The following MYCBP2 variants were observed in gnomAD, a reference collection of about 807,000 sequenced individuals.
MYCBP2 encodes the protein MYC binding protein 2.
A neutral mutation model predicts 525.3 loss-of-function variants in MYCBP2; 120 were observed. The ratio of observed to expected loss-of-function variants is 0.23; its 90% CI spans 0.20 to 0.27. MYCBP2 has a LOEUF of 0.27. Ranked by LOEUF, MYCBP2 falls within the 10% of genes least tolerant of loss-of-function variation. MYCBP2 has a pLI of 1.00. For synonymous variants in MYCBP2, 1,894 were observed against 1,955.8 expected (o/e 0.97, Z 0.83); for missense variants, 4,149 against 5,657.1 (o/e 0.73, Z 8.55).
At chr13:77,246,958 A>G (rs1472919085) in intron 15 of MYCBP2, among the ~76,000 whole-genome samples, 1 of 152,208 alleles carries the variant, frequency 6.6e-6, no homozygotes, top group Admixed American at 6.5e-5. Flanking sequence ...TAGGAATAGA[A>G]GGAAATGATC....
chr13:77,062,404 T>C (rs2039454870), intron 74 of MYCBP2, among the ~76,000 whole-genome samples, 192 bp downstream of exon 74: 1 of 152,184 alleles, frequency 6.6e-6, no homozygotes, highest in Non-Finnish European at 1.5e-5. Context: ...CCCTAAAGTT[T>C]CCATATACTA....
rs369790644 is a variant in MYCBP2 at position 77,098,566 on chromosome 13, T to A, written c.8588A>T (p.Asp2863Val). 2 of 1,613,672 alleles carry A rather than the reference T, an allele frequency of 1.2e-6. No individual in the cohort carries two copies. Among genetic ancestry groups the A allele is most frequent in the South Asian group, 1.1e-5 (1 of 91,062 alleles). Residue 2863 changes from aspartate (D) to valine (V), a missense_variant, in exon 56 of 83, where the codon GAT (aspartate) becomes GTT (valine). Transcript: ENST00000544440. ...KSTAPVKTKL[D>V]PPRERSKSDS... ...TGATTTAGAACGTTCCCGAGGAGGA[T>A]CAAGCTTTGTCTTAACAGGAGCAGT...
rs536209481 is a variant in MYCBP2, at chr13:77,297,489, C to T, written c.303-815G>A. Among the ~76,000 whole-genome samples, 10 of 151,988 alleles carry T rather than the reference C, an allele frequency of 6.6e-5. No individual in the cohort carries two copies. The East Asian group carries it at 1.7e-3, about 26-fold the overall frequency. On this transcript the variant is annotated intron_variant, in intron 1 of 82. Coordinates refer to ENST00000544440, the MANE Select transcript of MYCBP2 (RefSeq NM_015057.5). ...GGGGGAAGAGGGAATGCAGGGAGAA[C>T]GAAGGGGAGGAGGTTGTTCCAGATG...
intron 80 of MYCBP2, among the ~76,000 whole-genome samples, chr13:77,054,528 G>C (rs544344324): frequency 1.9e-4 from 28 of 151,090 alleles, no homozygotes; most frequent in African/African-American, 6.8e-4. Flanking sequence ...GTAATGGAAA[G>C]AAAAAAGGAC....
chr13:77,128,844 A>G (rs1255598398), intron 52 of MYCBP2, among the ~76,000 whole-genome samples: 1 of 152,028 alleles, frequency 6.6e-6, no homozygotes, highest in Non-Finnish European at 1.5e-5. Context: ...CAGAAAAAAT[A>G]AAAGAGCCAT....
chr13:77,250,841 T>C (rs1214863998), intron 15 of MYCBP2, among the ~76,000 whole-genome samples: 1 of 152,166 alleles, frequency 6.6e-6, no homozygotes, highest in Non-Finnish European at 1.5e-5. Context: ...TAGCATTAAA[T>C]AGGCTTTGAA....
At chr13:77,297,329 T>C (rs1430061721) in intron 1 of MYCBP2, among the ~76,000 whole-genome samples, 1 of 152,226 alleles carries the variant, frequency 6.6e-6, no homozygotes, top group Non-Finnish European at 1.5e-5. Context: ...CATGCTGAGA[T>C]GCAAAGTAGT....
intron 53 of MYCBP2, 106 bp downstream of exon 53, chr13:77,126,212 C>A: frequency 1.2e-6 from 1 of 842,486 alleles, no homozygotes; most frequent in Non-Finnish European, 1.8e-6. Flanking sequence ...AATACATTAA[C>A]ATTGAAAAAC....
intron 3 of MYCBP2, among the ~76,000 whole-genome samples, chr13:77,281,397 C>G (rs1308326898): frequency 6.6e-6 from 1 of 151,620 alleles, no homozygotes; most frequent in African/African-American, 2.4e-5. Context: ...GTATAATTAG[C>G]AAAATAAATA....
At chr13:77,269,393 T>TG (rs2154343652) in intron 7 of MYCBP2, among the ~76,000 whole-genome samples, 1 of 152,270 alleles carries the variant, frequency 6.6e-6, no homozygotes, top group East Asian at 1.9e-4. Flanking sequence ...CCCAGCACTC[T>TG]GGGAGGCCCA....
At position 77,227,903 on chromosome 13, in the gene MYCBP2, T is replaced by C. The variant is rs1265335714; in HGVS notation, c.2738-2349A>G. Among the ~76,000 whole-genome samples the C allele has an allele frequency of 3.3e-5, 5 of 152,112 alleles. No individual in the cohort carries two copies. In the East Asian group the frequency reaches 9.6e-4, roughly 29 times the overall value. On this transcript the variant is annotated intron_variant, in intron 18 of 82. Coordinates refer to ENST00000544440, the MANE Select transcript of MYCBP2 (RefSeq NM_015057.5). ...AGCAGCTGTTATTTAGAGGTCAAAA[T>C]AATACTAGAAACATTTTGTTCATTG...
At position 77,326,976 on chromosome 13, in the gene MYCBP2, T is replaced by C. The variant is rs2082396500; in HGVS notation, c.-201A>G. On this transcript the variant is annotated 5_prime_UTR_variant, in exon 1 of 83. Coordinates refer to ENST00000544440, the MANE Select transcript of MYCBP2 (RefSeq NM_015057.5). The surrounding 1 kb of genome is among the most constrained non-coding windows in gnomAD (Gnocchi z 4.2). Reference sequence around the variant, plus strand: ...CCCCCCGCGCCGCCCTCGCCGCTACTGGGGCCGCTCATCTAACCCCGCCAC... The same window carrying C: ...CCCCCCGCGCCGCCCTCGCCGCTACCGGGGCCGCTCATCTAACCCCGCCAC... 15 of 487,858 alleles carry C rather than the reference T, an allele frequency of 3.1e-5. No homozygotes were observed. The East Asian group carries it at 5.3e-4, about 17-fold the overall frequency. The allele number at this position is 487,858 out of a possible 1,614,324, so 30.2% of individuals were successfully genotyped here.
intron 1 of MYCBP2, among the ~76,000 whole-genome samples, chr13:77,301,127 G>C (rs1178744382): frequency 1.3e-5 from 2 of 151,980 alleles, no homozygotes; most frequent in Non-Finnish European, 2.9e-5. Context: ...AGAGAGGCTG[G>C]GTCAAGGCTG....
intron 42 of MYCBP2, among the ~76,000 whole-genome samples, chr13:77,164,951 C>T (rs1420882400): frequency 1.3e-5 from 2 of 152,210 alleles, no homozygotes; most frequent in Non-Finnish European, 2.9e-5. Flanking sequence ...ACTCCATCCT[C>T]TTCATGTATT....
Position 77,260,574 on chromosome 13 carries a change from G to T in MYCBP2, c.1871C>A (p.Ser624Tyr). The part of the protein sequence containing the change: ...DGESTKSRRQ[S>Y]KPYKPKKIIK... Reference sequence around the variant, plus strand: ...TATCTTTTTAGGTTTATAAGGTTTGGATTGCCGTCTGCTCTTAGCTTTAAA... The same window carrying T: ...TATCTTTTTAGGTTTATAAGGTTTGTATTGCCGTCTGCTCTTAGCTTTAAA... The change falls in exon 13 of 83, where the codon TCC becomes TAC. Residue 624 changes from serine to tyrosine, a missense_variant. By Grantham distance (144) the Ser-to-Tyr change is moderately radical. Coordinates refer to ENST00000544440, the MANE Select transcript of MYCBP2 (RefSeq NM_015057.5). 1 of 1,605,184 alleles carries T rather than the reference G, an allele frequency of 6.2e-7. No homozygotes were observed. Among genetic ancestry groups the T allele is most frequent in the Non-Finnish European group, 8.5e-7 (1 of 1,177,170 alleles).
Position 77,185,941 on chromosome 13 carries a change from T to C in MYCBP2, c.4374A>G (p.Arg1458=). 6.2e-7 allele frequency: 1 copy of C among 1,613,670 alleles called. No homozygotes were observed. ...QFTATLLDLE[R]LRFVGTCCLR... ...GACAACAGGTACCCACAAAGCGCAGTCTCTCTAAATCTAGGAGTGTAGCTG... is the reference window on the plus strand; with the variant it reads ...GACAACAGGTACCCACAAAGCGCAGCCTCTCTAAATCTAGGAGTGTAGCTG... Residue 1458 remains arginine, a synonymous_variant, in exon 31 of 83, where the codon AGA becomes AGG. Coordinates refer to ENST00000544440, the MANE Select transcript of MYCBP2 (RefSeq NM_015057.5).
Position 77,152,295 on chromosome 13 carries a change from A to T in MYCBP2, c.6916-1346T>A, listed in dbSNP as rs556713388. On this transcript the variant is annotated intron_variant, in intron 46 of 82. Transcript: ENST00000544440. The stretch of plus-strand genomic sequence containing the variant: ...ATATTAAAAACCCATTCTTATATTT[A>T]AAAAATGGCAGTTTACAGGTATATG... 4.6e-5 allele frequency among the ~76,000 whole-genome samples: 7 copies of T among 152,346 alleles called. 1 individual carries two copies. The highest frequency in any genetic ancestry group is 4.6e-4 in the Admixed American group (7 of 15,298).
In MYCBP2 at chr13:77,125,351, G is replaced by A. The variant is rs1365797015; in HGVS notation, c.8002C>T (p.Leu2668Phe). The A allele has an allele frequency of 1.2e-6, 2 of 1,613,512 alleles. No individual in the cohort carries two copies. Among genetic ancestry groups the A allele is most frequent in the Admixed American group, 3.3e-5 (2 of 59,930 alleles). ...LARDRGGNQYLRHEDEQALLD... is the reference protein window; with the variant it reads ...LARDRGGNQYFRHEDEQALLD... ...GCCAACTTGCCATCTTCATGTCGGA[G>A]GTACTGGTTTCCGCCTCTGTCTCTA... Residue 2668 changes from leucine (L) to phenylalanine (F), a missense_variant, in exon 54 of 83, where the codon CTC (leucine) becomes TTC (phenylalanine). By Grantham distance (22) the Leu-to-Phe change is conservative. Coordinates refer to ENST00000544440, the MANE Select transcript of MYCBP2 (RefSeq NM_015057.5).
At chr13:77,298,682 G>A (rs972383929) in intron 1 of MYCBP2, among the ~76,000 whole-genome samples, 3 of 152,120 alleles carry the variant, frequency 2.0e-5, no homozygotes, top group Non-Finnish European at 4.4e-5. Context: ...TAGCCAGAAA[G>A]GCCCACTAAG....
Sources: allele counts gnomAD v4.1 joint callset (sites outside exome capture counted in the v4.1 genomes callset), GRCh38; gene constraint gnomAD v4.1.1; non-coding constraint Gnocchi (gnomAD v3.1); transcripts MANE v1.5; gene names NCBI Gene and HGNC (gene_info 2026-07-23, HGNC 2026-07-21).